The following SYT1 variants were observed in gnomAD, a reference collection of about 807,000 sequenced individuals.
SYT1 encodes the protein synaptotagmin-1.
SYT1 carries 8 observed loss-of-function variants against 44.8 expected under a neutral mutation model. That is an observed-to-expected ratio of 0.18 (90% CI 0.10 to 0.32). SYT1 has a LOEUF of 0.32. Among genes scored for constraint, SYT1 ranks in the 10% least tolerant of loss-of-function variants. The probability of loss-of-function intolerance (pLI) is 1.00; values close to 1 mark genes in which losing one functional copy is unlikely to be tolerated. For missense variants in SYT1, 286 were observed against 509.3 expected (o/e 0.56, Z 4.22); for synonymous variants, 154 against 188.8 (o/e 0.82, Z 1.51).
chr12:79,278,973 G>A (rs1171393100), intron 4 of SYT1, among the ~76,000 whole-genome samples: 2 of 145,012 alleles, frequency 1.4e-5, no homozygotes, highest in Non-Finnish European at 3.0e-5. Context: ...TAGAACTCTT[G>A]AACAGACCAA....
intron 1 of SYT1, among the ~76,000 whole-genome samples, chr12:78,879,775 C>T (rs564734084): frequency 6.6e-6 from 1 of 151,748 alleles, no homozygotes; most frequent in African/African-American, 2.4e-5. Flanking sequence ...ATTATCTGGC[C>T]CTACGTATTC....
chr12:79,290,116 C>T (rs1879506497), intron 5 of SYT1, among the ~76,000 whole-genome samples: 2 of 152,080 alleles, frequency 1.3e-5, no homozygotes, highest in Admixed American at 1.3e-4. Flanking sequence ...TGTTTCTACA[C>T]CGATGTATAT....
At chr12:78,993,020 A>AT (rs900211526) in intron 2 of SYT1, among the ~76,000 whole-genome samples, 17 of 152,122 alleles carry the variant, frequency 1.1e-4, no homozygotes, top group Non-Finnish European at 1.3e-4. Flanking sequence ...GCTCTTTGGC[A>AT]TTTTTTTGTC....
At chr12:78,889,025 T>G (rs1297673873) in intron 1 of SYT1, among the ~76,000 whole-genome samples, 1 of 151,952 alleles carries the variant, frequency 6.6e-6, no homozygotes, top group Non-Finnish European at 1.5e-5. Context: ...CTTTTTAGAC[T>G]ACTATCAATT....
chr12:79,440,621 T>C (rs1281823675), intron 9 of SYT1, among the ~76,000 whole-genome samples: 1 of 152,184 alleles, frequency 6.6e-6, no homozygotes. Flanking sequence ...CATCTTATTT[T>C]ATTATTTCCA....
rs1393746474 is a variant in SYT1, at chr12:79,188,676, C to CT, written c.-17-28820dup. Among the ~76,000 whole-genome samples, 5 of 152,076 alleles carry CT rather than the reference C, an allele frequency of 3.3e-5. No individual in the cohort carries two copies. The East Asian group carries it at 7.7e-4, about 23-fold the overall frequency. On this transcript the variant is annotated intron_variant, in intron 3 of 10. Coordinates refer to ENST00000261205, the MANE Select transcript of SYT1 (RefSeq NM_005639.3). ...CCAATGTGGCTTTCTAGCTAATACTCTTTTTTTCTATCTTGAGGGAAAAGT... is the reference window on the plus strand; with the variant it reads ...CCAATGTGGCTTTCTAGCTAATACTCTTTTTTTTCTATCTTGAGGGAAAAGT...
intron 9 of SYT1, among the ~76,000 whole-genome samples, chr12:79,369,432 C>T (rs1457445499): frequency 6.6e-6 from 1 of 152,104 alleles, no homozygotes; most frequent in African/African-American, 2.4e-5. Flanking sequence ...ACTCATACTG[C>T]CACACTCCAG....
chr12:79,262,571 C>T (rs1877892738), intron 4 of SYT1, among the ~76,000 whole-genome samples: 1 of 152,160 alleles, frequency 6.6e-6, no homozygotes, highest in African/African-American at 2.4e-5. Flanking sequence ...TGAGATTATA[C>T]CTGAGATTCT....
At chr12:79,080,137 T>A (rs1360594436) in intron 3 of SYT1, among the ~76,000 whole-genome samples, 3 of 152,158 alleles carry the variant, frequency 2.0e-5, no homozygotes, top group Admixed American at 2.0e-4. Context: ...ATTTGACTAA[T>A]CCTCATTTTA....
intron 9 of SYT1, among the ~76,000 whole-genome samples, chr12:79,399,488 T>A (rs1293130405): frequency 6.6e-6 from 1 of 152,192 alleles, no homozygotes; most frequent in Non-Finnish European, 1.5e-5. Context: ...CCAATCAAAC[T>A]TAAATTGGCT....
intron 1 of SYT1, among the ~76,000 whole-genome samples, chr12:78,969,110 C>T (rs1868316873): frequency 6.6e-6 from 1 of 151,994 alleles, no homozygotes; most frequent in Admixed American, 6.6e-5. Flanking sequence ...GTTCTATTTC[C>T]TGAACAATAG....
At chr12:78,891,178 A>G (rs1283438197) in intron 1 of SYT1, among the ~76,000 whole-genome samples, 1 of 151,886 alleles carries the variant, frequency 6.6e-6, no homozygotes, top group African/African-American at 2.4e-5. Flanking sequence ...GACACTGGCA[A>G]GATTTTAGGA....
chr12:79,182,275 G>A (rs1872588445), intron 3 of SYT1, among the ~76,000 whole-genome samples: 1 of 151,876 alleles, frequency 6.6e-6, no homozygotes, highest in South Asian at 2.1e-4. Flanking sequence ...TTAATGTTTG[G>A]TACTACTGAT....
chr12:79,104,769 A>G (rs1191162813), intron 3 of SYT1, among the ~76,000 whole-genome samples: 1 of 152,040 alleles, frequency 6.6e-6, no homozygotes, highest in Non-Finnish European at 1.5e-5. Context: ...AGTTGCTTGA[A>G]AGAGTAAGTT....
chr12:78,973,954 T>A lies in SYT1; in HGVS notation c.-216-3845T>A, dbSNP rs1371256728. On this transcript the variant is annotated intron_variant, in intron 1 of 10. Transcript: ENST00000261205. ...AAAAAAAAAAATATATATATATATA[T>A]ATATATATATATATATATATATATA... Among the ~76,000 whole-genome samples, 92 of 31,406 alleles carry A rather than the reference T, an allele frequency of 2.9e-3. 4 individuals carry two copies. The highest frequency in any genetic ancestry group is 6.9e-3 in the African/African-American group (51 of 7,402). 20.6% of individuals were successfully genotyped at this position (31,406 alleles called of 152,430 possible).
At chr12:79,159,151 A>G (rs1352305966) in intron 3 of SYT1, among the ~76,000 whole-genome samples, 1 of 152,196 alleles carries the variant, frequency 6.6e-6, no homozygotes, top group Non-Finnish European at 1.5e-5. Flanking sequence ...GAGACAGCAA[A>G]GGTTTCCAAA....
intron 9 of SYT1, among the ~76,000 whole-genome samples, chr12:79,431,213 G>T (rs1243717976): frequency 6.6e-6 from 1 of 152,120 alleles, no homozygotes; most frequent in Admixed American, 6.5e-5. Context: ...ATCTTGCAAA[G>T]AATTAAAACT....
At chr12:79,145,749 T>TTTTG (rs1333413347) in intron 3 of SYT1, among the ~76,000 whole-genome samples, 1 of 144,938 alleles carries the variant, frequency 6.9e-6, no homozygotes, top group South Asian at 2.1e-4. Context: ...TTTTTTTTTT[T>TTTTG]TTTGTTTGTT....
At chr12:78,927,846 C>G (rs1433486811) in intron 1 of SYT1, among the ~76,000 whole-genome samples, 2 of 152,104 alleles carry the variant, frequency 1.3e-5, no homozygotes, top group African/African-American at 2.4e-5. Context: ...TAGCATAATA[C>G]TAAATACCCT....
Sources: gnomAD v4.1 joint callset for allele counts (sites outside exome capture counted in the v4.1 genomes callset) on GRCh38, gnomAD v4.1.1 for gene constraint, MANE v1.5 for transcripts, NCBI Gene and HGNC (gene_info 2026-07-23, HGNC 2026-07-21) for gene names.